Variants in COL24A1 observed in about 807,000 individuals in gnomAD.
The protein encoded by COL24A1 is collagen type XXIV alpha 1 chain.
COL24A1 carries 224 observed loss-of-function variants against 253.9 expected under a neutral mutation model. The ratio of observed to expected loss-of-function variants is 0.88; its 90% confidence interval spans 0.79 to 0.99. The LOEUF (loss-of-function observed/expected upper bound fraction) is 0.99. Ranked by LOEUF, COL24A1 falls within the 50% of genes least tolerant of loss-of-function variation. The pLI is 0.00. For synonymous variants in COL24A1, 685 were observed against 673.7 expected (o/e 1.02, Z -0.26); for missense variants, 2,131 against 2,068.5 (o/e 1.03, Z -0.59).
At chr1:85,889,324 G>T (rs868747556) in intron 32 of COL24A1, among the ~76,000 whole-genome samples, 1 of 152,046 alleles carries the variant, frequency 6.6e-6, no homozygotes, top group African/African-American at 2.4e-5. Context: ...TTTATTTGTT[G>T]AAAATAGAAA....
Position 85,889,740 on chromosome 1 carries a change from T to C in COL24A1, c.2923-127A>G. The C allele has an allele frequency of 5.1e-6, 4 of 781,114 alleles. No individual in the cohort carries two copies. The Middle Eastern group carries it at 7.1e-4, about 139-fold the overall frequency. The allele number at this position is 781,114 out of a possible 1,614,324, so 48.4% of individuals were successfully genotyped here. On this transcript the variant is annotated intron_variant, in intron 31 of 59. Coordinates refer to ENST00000370571, the MANE Select transcript of COL24A1 (RefSeq NM_152890.7). Reference sequence around the variant, plus strand: ...TCTGTCTATTGCTATTCTTTTTTTTTTTTTGCTTTTGTGGTAAGATACACA... The same window carrying C: ...TCTGTCTATTGCTATTCTTTTTTTTCTTTTGCTTTTGTGGTAAGATACACA...
At chr1:85,808,883 GT>G (rs1388782993) in intron 47 of COL24A1, among the ~76,000 whole-genome samples, 2 of 152,162 alleles carry the variant, frequency 1.3e-5, no homozygotes, top group East Asian at 3.9e-4. Context: ...AAAGGCTAGG[GT>G]TTTTATGGAC....
At chr1:86,028,096 C>A (rs1239783080) in intron 14 of COL24A1, among the ~76,000 whole-genome samples, 2 of 152,150 alleles carry the variant, frequency 1.3e-5, no homozygotes, top group East Asian at 1.9e-4. Flanking sequence ...GCCTGTACCC[C>A]CATTGTATCT....
At chr1:85,967,684 G>C (rs1024049886) in intron 22 of COL24A1, among the ~76,000 whole-genome samples, 2 of 152,112 alleles carry the variant, frequency 1.3e-5, no homozygotes, top group African/African-American at 4.8e-5. Context: ...GGATGAAACT[G>C]GTCCACCTCA....
At chr1:86,150,270 C>T (rs1163076186) in intron 1 of COL24A1, among the ~76,000 whole-genome samples, 1 of 152,174 alleles carries the variant, frequency 6.6e-6, no homozygotes, top group Non-Finnish European at 1.5e-5. Context: ...CTTTGTTATA[C>T]TCCTATAAGT....
At chr1:85,732,891 AT>A (rs1663650384) in intron 59 of COL24A1, among the ~76,000 whole-genome samples, 1 of 152,220 alleles carries the variant, frequency 6.6e-6, no homozygotes, top group South Asian at 2.1e-4. Context: ...CCCTATTATT[AT>A]TGTAACAGAT....
Position 86,125,657 on chromosome 1 carries a change from A to T in COL24A1, c.679T>A (p.Ser227Thr). The change falls in exon 3 of 60, where the codon TCT (serine) becomes ACT (threonine). Residue 227 changes from serine (S) to threonine (T), a missense_variant. Ser to Thr is a moderately conservative substitution (Grantham distance 58). Transcript: ENST00000370571. ...GIVCQLDIIPSAEASADYCRY... is the reference protein window; with the variant it reads ...GIVCQLDIIPTAEASADYCRY... ...CAGTAGTCTGCAGATGCTTCTGCAGAAGGAATAATATCTAACTGACATACT... is the reference window on the plus strand; with the variant it reads ...CAGTAGTCTGCAGATGCTTCTGCAGTAGGAATAATATCTAACTGACATACT... The T allele has an allele frequency of 1.2e-6, 2 of 1,612,334 alleles. No individual in the cohort carries two copies. Among genetic ancestry groups the T allele is most frequent in the Non-Finnish European group, 1.7e-6 (2 of 1,178,850 alleles).
At chr1:85,995,319 CA>C (rs1694679637) in intron 19 of COL24A1, among the ~76,000 whole-genome samples, 1 of 151,816 alleles carries the variant, frequency 6.6e-6, no homozygotes. Flanking sequence ...CTTCTGGCCT[CA>C]AGTGATACTC....
intron 43 of COL24A1, among the ~76,000 whole-genome samples, chr1:85,836,610 G>C (rs916743920): frequency 6.6e-6 from 1 of 152,162 alleles, no homozygotes; most frequent in African/African-American, 2.4e-5. Context: ...GAGAAAGGTG[G>C]ATATTTCATG....
intron 19 of COL24A1, among the ~76,000 whole-genome samples, chr1:85,995,029 C>G (rs1694643951): frequency 6.6e-6 from 1 of 152,088 alleles, no homozygotes; most frequent in Non-Finnish European, 1.5e-5. Context: ...CAGCTCAATT[C>G]CATATGTGCA....
At chr1:85,815,049 G>A (rs1400110350) in intron 47 of COL24A1, among the ~76,000 whole-genome samples, 1 of 151,900 alleles carries the variant, frequency 6.6e-6, no homozygotes, top group Non-Finnish European at 1.5e-5. Context: ...ATAAACTATT[G>A]GGTCCATCCA....
chr1:86,063,837 G>C, intron 7 of COL24A1, 78 bp from the exon 8 acceptor site: 2 of 1,015,956 alleles, frequency 2.0e-6, no homozygotes, highest in Admixed American at 5.7e-5. Context: ...GTTGCAAGTT[G>C]CCTTATATCC....
At chr1:85,941,676 C>T (rs1688770740) in intron 24 of COL24A1, among the ~76,000 whole-genome samples, 1 of 152,072 alleles carries the variant, frequency 6.6e-6, no homozygotes, top group Admixed American at 6.6e-5. Context: ...GAAGGTGTTT[C>T]CAGCATTCTG....
chr1:85,858,621 C>CTCCTTCCTTCCATCCTTCCT (rs1678737938), intron 37 of COL24A1, among the ~76,000 whole-genome samples: 1 of 113,270 alleles, frequency 8.8e-6, no homozygotes, highest in African/African-American at 3.1e-5. Context: ...TATTTTCTCC[C>CTCCTTCCTTCCATCCTTCCT]TCCTTCCTTC....
intron 53 of COL24A1, among the ~76,000 whole-genome samples, chr1:85,763,176 G>A (rs919763037): frequency 6.6e-6 from 1 of 152,078 alleles, no homozygotes; most frequent in African/African-American, 2.4e-5. Context: ...CAGTACTTTG[G>A]GAGGTCAAGG....
chr1:85,959,141 C>A (rs1690770447), intron 24 of COL24A1, among the ~76,000 whole-genome samples: 1 of 152,070 alleles, frequency 6.6e-6, no homozygotes, highest in Admixed American at 6.6e-5. Flanking sequence ...ATTTTCTTGG[C>A]AACAGAACTC....
At chr1:86,135,621 G>T (rs1294168147) in intron 2 of COL24A1, among the ~76,000 whole-genome samples, 1 of 151,658 alleles carries the variant, frequency 6.6e-6, no homozygotes, top group Non-Finnish European at 1.5e-5. Flanking sequence ...ATTTCATCTT[G>T]ATTTATGAGA....
chr1:86,146,020 G>A (rs1173837986), intron 2 of COL24A1, 99 bp downstream of exon 2: 7 of 997,420 alleles, frequency 7.0e-6, no homozygotes, highest in African/African-American at 3.3e-5. Flanking sequence ...ATTGTTTAAT[G>A]TTGAATTTAC....
chr1:85,866,594 T>C (rs1317915238), intron 37 of COL24A1, among the ~76,000 whole-genome samples: 1 of 151,900 alleles, frequency 6.6e-6, no homozygotes, highest in Non-Finnish European at 1.5e-5. Flanking sequence ...ACCCACATGG[T>C]AAAACCCCGT....
Sources: allele counts gnomAD v4.1 joint callset (sites outside exome capture counted in the v4.1 genomes callset), GRCh38; gene constraint gnomAD v4.1.1; transcripts MANE v1.5; gene names NCBI Gene and HGNC (gene_info 2026-07-23, HGNC 2026-07-21).